AMELX: variants seen among roughly 807,000 people sequenced by gnomAD.
The protein encoded by AMELX is amelogenin X-linked, also known as amelogenin, X isoform.
AMELX carries 9 observed loss-of-function variants against 15.8 expected under a neutral mutation model. That is an observed-to-expected ratio of 0.57 (90% CI 0.34 to 0.99). The LOEUF is 0.99. Among genes scored for constraint, AMELX ranks in the 50% least tolerant of loss-of-function variants. AMELX has a pLI of 0.02. For missense variants in AMELX, 107 were observed against 156.2 expected (o/e 0.68, Z 1.68); for synonymous variants, 61 against 58.8 (o/e 1.04, Z -0.17).
At chrX:11,308,616 G>A in the AMELX span, among the ~76,000 whole-genome samples, 1 of 111,539 alleles carries the variant, frequency 9.0e-6, no homozygotes, top group Middle Eastern at 4.6e-3. Flanking sequence ...AGTACCCAAT[G>A]ATTGAGACCC....
chrX:11,298,085 T>A, intron 3 of AMELX, 151 bp from the exon 4 acceptor site: 1 of 1,210,447 alleles, frequency 8.3e-7, no homozygotes, highest in Non-Finnish European at 1.1e-6. Flanking sequence ...AATTTTTACC[T>A]TCTTCTTTCT....
At chrX:11,305,323 C>T (rs1419786858), downstream of AMELX, among the ~76,000 whole-genome samples, 1 of 112,158 alleles carries the variant, frequency 8.9e-6, no homozygotes, top group African/African-American at 3.2e-5. Context: ...TTCACCACTA[C>T]ACAATATATC....
intron 1 of AMELX, among the ~76,000 whole-genome samples, chrX:11,294,407 T>C (rs1024542194): frequency 2.7e-5 from 3 of 112,450 alleles, no homozygotes; most frequent in South Asian, 3.7e-4. Flanking sequence ...TTTGATGATC[T>C]TCCCAACCTT....
rs1460291653 is a variant in AMELX at position 11,300,655 on chromosome X, C to T, written c.*43C>T. 1.7e-6 allele frequency: 2 copies of T among 1,151,979 alleles called. No individual in the cohort carries two copies. The highest frequency in any genetic ancestry group is 2.4e-6 in the Non-Finnish European group (2 of 846,251). The allele number at this position is 1,151,979 out of a possible 1,213,427, so 94.9% of individuals were successfully genotyped here. A position where few individuals can be genotyped will look rare whatever the true frequency, so the allele number is the denominator to read the frequency against. On this transcript the variant is annotated 3_prime_UTR_variant, in exon 6 of 6. Transcript: ENST00000380714. Reference sequence around the variant, plus strand: ...GGGGAATGAATACTTCAGATGCTTTCAGGAGTGACACAAGAACACAATGAT... The same window carrying T: ...GGGGAATGAATACTTCAGATGCTTTTAGGAGTGACACAAGAACACAATGAT...
the AMELX span, among the ~76,000 whole-genome samples, chrX:11,308,149 A>G: frequency 8.9e-6 from 1 of 112,425 alleles, no homozygotes; most frequent in Non-Finnish European, 1.9e-5. Flanking sequence ...AGAAAAGCCA[A>G]TGATTTCACT....
At chrX:11,298,025 G>A (rs906771257) in intron 3 of AMELX, 1 of 957,537 alleles carries the variant, frequency 1.0e-6, no homozygotes, top group African/African-American at 1.9e-5. Flanking sequence ...GATGAAGAAT[G>A]TGTGTGATGG....
At chrX:11,300,431 T>G (rs1336835474) in intron 5 of AMELX, among the ~76,000 whole-genome samples, 176 bp from the exon 6 acceptor site, 1 of 111,952 alleles carries the variant, frequency 8.9e-6, no homozygotes, top group Non-Finnish European at 1.9e-5. Flanking sequence ...GCAGTCCTCA[T>G]GGACACCTAA....
intron 1 of AMELX, among the ~76,000 whole-genome samples, 162 bp from the exon 2 acceptor site, chrX:11,294,615 C>T (rs2048050090): frequency 8.9e-6 from 1 of 112,234 alleles, no homozygotes; most frequent in East Asian, 2.8e-4. Context: ...ATGAAATAGG[C>T]TGAGAGCTGG....
At chrX:11,295,369 C>A (rs187559058) in intron 2 of AMELX, among the ~76,000 whole-genome samples, 2 of 111,569 alleles carry the variant, frequency 1.8e-5, no homozygotes, top group Admixed American at 1.9e-4. Flanking sequence ...GGCCCCACCC[C>A]TTTGGGTACA....
At chrX:11,293,756 A>C (rs1410376771) in intron 1 of AMELX, among the ~76,000 whole-genome samples, 1 of 112,261 alleles carries the variant, frequency 8.9e-6, no homozygotes, top group Non-Finnish European at 1.9e-5. Flanking sequence ...ATACATTCAC[A>C]GGCTGTGATC....
chrX:11,308,174 A>T, the AMELX span, among the ~76,000 whole-genome samples: 1 of 112,312 alleles, frequency 8.9e-6, no homozygotes, highest in Non-Finnish European at 1.9e-5. Context: ...TGGTGTTAAC[A>T]CACAATTCAC....
chrX:11,308,532 T>C, the AMELX span, among the ~76,000 whole-genome samples: 11 of 111,740 alleles, frequency 9.8e-5, no homozygotes, highest in Middle Eastern at 4.6e-3. Context: ...ATCGATGTTA[T>C]AGAATCTTGA....
the AMELX span, among the ~76,000 whole-genome samples, chrX:11,308,773 C>G: frequency 8.9e-6 from 1 of 112,219 alleles, no homozygotes; most frequent in East Asian, 2.8e-4. Context: ...ACCCATGCAA[C>G]AGTAACATTA....
chrX:11,297,647 T>G (rs1016875509), intron 3 of AMELX, among the ~76,000 whole-genome samples: 6 of 111,746 alleles, frequency 5.4e-5, no homozygotes, highest in African/African-American at 1.9e-4. Context: ...CAGGTAACAA[T>G]CTATGAGTTT....
chrX:11,298,495 C>A, intron 4 of AMELX, 53 bp from the exon 5 acceptor site: 1 of 1,201,428 alleles, frequency 8.3e-7, no homozygotes. Flanking sequence ...TGCTGCTTCT[C>A]TGGTTGGAGT....
At position 11,298,839 on chromosome X, in the gene AMELX, G is replaced by T. The variant is rs138249749; in HGVS notation, c.436G>T (p.Val146Leu). The T allele has an allele frequency of 7.8e-4, 942 of 1,208,248 alleles. 6 individuals carry two copies. In the African/African-American group the frequency reaches 0.015, roughly 19 times the overall value. ...PHQPMQPQPPVHPMQPLPPQP... is the reference protein window; with the variant it reads ...PHQPMQPQPPLHPMQPLPPQP... ...CCAGCCCATGCAGCCCCAGCCACCTGTGCACCCCATGCAGCCCCTGCCGCC... is the reference window on the plus strand; with the variant it reads ...CCAGCCCATGCAGCCCCAGCCACCTTTGCACCCCATGCAGCCCCTGCCGCC... The change falls in exon 5 of 6, where the codon GTG becomes TTG. Residue 146 changes from valine (V) to leucine (L), a missense_variant. By Grantham distance (32) the Val-to-Leu change is conservative. Transcript: ENST00000380714.
rs2048134522 is a variant in AMELX, at chrX:11,299,059, A to T, written c.570+86A>T. 3.8e-6 allele frequency: 4 copies of T among 1,053,588 alleles called. No homozygotes were observed. In the Admixed American group the frequency reaches 1.0e-4, roughly 27 times the overall value. 86.8% of individuals were successfully genotyped at this position (1,053,588 alleles called of 1,213,427 possible). A position where few individuals can be genotyped will look rare whatever the true frequency, so the allele number is the denominator to read the frequency against. On this transcript the variant is annotated intron_variant, in intron 5 of 5. Coordinates refer to ENST00000380714, the MANE Select transcript of AMELX (RefSeq NM_001142.2). ...CCCCAGAGTTCTAAGGTCTCCGACAACCAAGGATCTAGAGTTGTAGTAGTT... is the reference window on the plus strand; with the variant it reads ...CCCCAGAGTTCTAAGGTCTCCGACATCCAAGGATCTAGAGTTGTAGTAGTT...
At chrX:11,296,137 C>T (rs752106972) in intron 2 of AMELX, among the ~76,000 whole-genome samples, 1 of 112,481 alleles carries the variant, frequency 8.9e-6, no homozygotes, top group East Asian at 2.8e-4. Context: ...ATAATGTTTC[C>T]ACTTTGCTCC....
chrX:11,300,687 T>G lies in AMELX; in HGVS notation c.*75T>G. ...GACACAAGAACACAATGATTTTTGC[T>G]TATAATCACTTTACTTAGCAAATTC... is the stretch of plus-strand genomic sequence containing the variant. On this transcript the variant is annotated 3_prime_UTR_variant, in exon 6 of 6. Coordinates refer to ENST00000380714, the MANE Select transcript of AMELX (RefSeq NM_001142.2). 2 of 1,002,175 alleles carry G rather than the reference T, an allele frequency of 2.0e-6. No homozygotes were observed. The highest frequency in any genetic ancestry group is 1.4e-6 in the Non-Finnish European group (1 of 714,881). 82.6% of individuals were successfully genotyped at this position (1,002,175 alleles called of 1,213,427 possible). A position where few individuals can be genotyped will look rare whatever the true frequency, so the allele number is the denominator to read the frequency against.
Sources: gnomAD v4.1 joint callset for allele counts (sites outside exome capture counted in the v4.1 genomes callset) on GRCh38, gnomAD v4.1.1 for gene constraint, MANE v1.5 for transcripts, NCBI Gene and HGNC (gene_info 2026-07-23, HGNC 2026-07-21) for gene names.